The following ADAM12 variants were observed in gnomAD, a reference collection of about 807,000 sequenced individuals.
ADAM12 encodes the protein disintegrin and metalloproteinase domain-containing protein 12.
Under a neutral mutation model 106.4 loss-of-function variants are expected in ADAM12, and 70 were observed. The ratio of observed to expected loss-of-function variants is 0.66; its 90% CI spans 0.54 to 0.80. The LOEUF is 0.80. Ranked by LOEUF, ADAM12 falls within the 30% of genes least tolerant of loss-of-function variation. The pLI is 0.00. For missense variants in ADAM12, 1,010 were observed against 1,171.9 expected, an observed-to-expected ratio of 0.86 and a Z score of 2.02; for synonymous variants, 420 against 433.5, an observed-to-expected ratio of 0.97 and a Z score of 0.39.
At chr10:126,311,159 T>A (rs1961079593) in intron 2 of ADAM12, among the ~76,000 whole-genome samples, 1 of 146,930 alleles carries the variant, frequency 6.8e-6, no homozygotes, top group Non-Finnish European at 1.5e-5. Context: ...ACAAGCTGCA[T>A]GAGATATACT....
chr10:126,197,601 T>A (rs1320400665), intron 3 of ADAM12, among the ~76,000 whole-genome samples: 9 of 152,200 alleles, frequency 5.9e-5, no homozygotes, highest in Non-Finnish European at 1.3e-4. Context: ...GGGAACTAAA[T>A]GACTGATTTA....
intron 20 of ADAM12, among the ~76,000 whole-genome samples, chr10:126,037,369 C>T (rs899243507): frequency 1.3e-5 from 2 of 150,638 alleles, no homozygotes; most frequent in South Asian, 2.1e-4. Context: ...AAGCCGTTCT[C>T]GCTTATGGTT....
intron 3 of ADAM12, among the ~76,000 whole-genome samples, chr10:126,223,819 T>C (rs978578507): frequency 6.6e-6 from 1 of 152,174 alleles, no homozygotes; most frequent in Non-Finnish European, 1.5e-5. Context: ...AAGCTGTGCA[T>C]TGGGCATGAG....
chr10:126,233,662 C>T (rs1028252369), intron 3 of ADAM12, among the ~76,000 whole-genome samples: 2 of 152,126 alleles, frequency 1.3e-5, no homozygotes, highest in Non-Finnish European at 2.9e-5. Context: ...TCAACCATCT[C>T]GTGGGAGCTT....
intron 3 of ADAM12, among the ~76,000 whole-genome samples, chr10:126,179,662 G>A (rs1207876960): frequency 4.6e-5 from 7 of 152,134 alleles, no homozygotes; most frequent in Admixed American, 2.0e-4. Flanking sequence ...ACTGAGTGCC[G>A]ATAAATGCCA....
intron 3 of ADAM12, among the ~76,000 whole-genome samples, chr10:126,236,913 G>A (rs941449804): frequency 6.6e-6 from 1 of 152,174 alleles, no homozygotes; most frequent in Non-Finnish European, 1.5e-5. Context: ...CTGGGCATGG[G>A]CAGGCAGCAT....
At chr10:126,087,360 A>AT (rs1478385118) in intron 11 of ADAM12, among the ~76,000 whole-genome samples, 6 of 152,068 alleles carry the variant, frequency 3.9e-5, no homozygotes, top group Non-Finnish European at 7.4e-5. Context: ...CTGCCAGTTC[A>AT]TTTTTCCCTG....
At chr10:126,074,044 T>A (rs1369437091) in intron 11 of ADAM12, among the ~76,000 whole-genome samples, 1 of 152,194 alleles carries the variant, frequency 6.6e-6, no homozygotes, top group Non-Finnish European at 1.5e-5. Flanking sequence ...TTCTTCTGTA[T>A]CTGAGAGTTT....
rs148683904 is a variant in ADAM12 at position 126,083,378 on chromosome 10, C to A, written c.1145+10607G>T. Among the ~76,000 whole-genome samples, 90 of 152,354 alleles carry A rather than the reference C, an allele frequency of 5.9e-4. 1 individual carries two copies. Among genetic ancestry groups the A allele is most frequent in the African/African-American group, 2.1e-3 (86 of 41,602 alleles). ...CCACTCAACCACACCGTCTCGAGGGCTATCAGGAGCTGCCCCAGGGCAGGG... is the reference window on the plus strand; with the variant it reads ...CCACTCAACCACACCGTCTCGAGGGATATCAGGAGCTGCCCCAGGGCAGGG... On this transcript the variant is annotated intron_variant, in intron 11 of 22. Transcript: ENST00000448723.
intron 3 of ADAM12, among the ~76,000 whole-genome samples, chr10:126,258,677 A>G (rs1415360881): frequency 3.9e-5 from 6 of 152,098 alleles, no homozygotes; most frequent in Non-Finnish European, 8.8e-5. Context: ...CCATGCCACA[A>G]GCTCCTCACC....
chr10:126,355,314 T>A (rs1855499945), intron 1 of ADAM12, among the ~76,000 whole-genome samples: 1 of 152,128 alleles, frequency 6.6e-6, no homozygotes, highest in Non-Finnish European at 1.5e-5. Context: ...CAAATACATA[T>A]CTAAATCTCC....
At position 126,225,376 on chromosome 10, in the gene ADAM12, C is replaced by T. The variant is rs538915343; in HGVS notation, c.260+53539G>A. Among the ~76,000 whole-genome samples, 434 of 152,304 alleles carry T rather than the reference C, an allele frequency of 2.8e-3. 3 individuals carry two copies. Among genetic ancestry groups the T allele is most frequent in the African/African-American group, 9.5e-3 (393 of 41,574 alleles). On this transcript the variant is annotated intron_variant, in intron 3 of 22. Transcript: ENST00000448723. ...CTGAATGCTCTCTGCAAAGTTTCCT[C>T]GTTAAGTGTTCCCATTTTGCCGGTG...
At chr10:126,135,726 A>T in intron 4 of ADAM12, 66 bp from the exon 5 acceptor site, 1 of 1,344,692 alleles carries the variant, frequency 7.4e-7, no homozygotes, top group Non-Finnish European at 1.1e-6. Flanking sequence ...ATAATAAATC[A>T]ACTGCCTCTT....
At position 126,076,294 on chromosome 10, in the gene ADAM12, C is replaced by T. The variant is rs565580450; in HGVS notation, c.1146-4640G>A. On this transcript the variant is annotated intron_variant, in intron 11 of 22. Coordinates refer to ENST00000448723, the MANE Select transcript of ADAM12 (RefSeq NM_001288973.2). ...GATGGCTGTGTAGTATTCCATACCA[C>T]GTTTTCTTTATCCAATCCACTGTTG... Among the ~76,000 whole-genome samples the T allele has an allele frequency of 2.7e-3, 408 of 152,318 alleles. 1 individual carries two copies. Among genetic ancestry groups the T allele is most frequent in the Non-Finnish European group, 4.5e-3 (307 of 68,032 alleles).
chr10:126,036,136 G>A lies in ADAM12; in HGVS notation c.2529+10C>T, dbSNP rs1954055108. The A allele has an allele frequency of 6.9e-7, 1 of 1,443,570 alleles. No individual in the cohort carries two copies. The highest frequency in any genetic ancestry group is 9.1e-7 in the Non-Finnish European group (1 of 1,099,778). 89.4% of individuals were successfully genotyped at this position (1,443,570 alleles called of 1,614,324 possible). A position where few individuals can be genotyped will look rare whatever the true frequency, so the allele number is the denominator to read the frequency against. ...AACTACATCCTATCATATTAGTACT[G>A]AAAGCATACCTGGGCCTGCCTAAGT... On this transcript the variant is annotated intron_variant, in intron 21 of 22. Coordinates refer to ENST00000448723, the MANE Select transcript of ADAM12 (RefSeq NM_001288973.2).
chr10:126,205,963 TAAA>T (rs1375028414), intron 3 of ADAM12, among the ~76,000 whole-genome samples: 1 of 152,192 alleles, frequency 6.6e-6, no homozygotes, highest in East Asian at 1.9e-4. Flanking sequence ...CTCAACCACA[TAAA>T]AAATAACACA....
intron 1 of ADAM12, among the ~76,000 whole-genome samples, chr10:126,358,937 T>C (rs1017679891): frequency 1.3e-5 from 2 of 152,274 alleles, no homozygotes; most frequent in Admixed American, 1.3e-4. Context: ...GACTGGGCAA[T>C]TTACAAAAGA....
chr10:126,377,733 T>C (rs979778336), intron 1 of ADAM12, among the ~76,000 whole-genome samples: 2 of 152,092 alleles, frequency 1.3e-5, no homozygotes, highest in South Asian at 2.1e-4. Flanking sequence ...CGGAGGTAAA[T>C]AGAACAGTAG....
At chr10:126,300,263 G>A (rs961536781) in intron 2 of ADAM12, among the ~76,000 whole-genome samples, 5 of 152,120 alleles carry the variant, frequency 3.3e-5, no homozygotes, top group Non-Finnish European at 7.3e-5. Flanking sequence ...AAGAAGGAAG[G>A]AGGCTACCAC....
Sources: gnomAD v4.1 joint callset for allele counts (sites outside exome capture counted in the v4.1 genomes callset) on GRCh38, gnomAD v4.1.1 for gene constraint, MANE v1.5 for transcripts, NCBI Gene and HGNC (gene_info 2026-07-23, HGNC 2026-07-21) for gene names.